Variants in MEF2C observed in about 807,000 individuals in gnomAD.
The protein encoded by MEF2C is myocyte enhancer factor 2C, also known as myocyte-specific enhancer factor 2C.
A neutral mutation model predicts 50.5 loss-of-function variants in MEF2C; 6 were observed. That is an observed-to-expected ratio of 0.12 (90% CI 0.07 to 0.23). The LOEUF (loss-of-function observed/expected upper bound fraction) is 0.23. MEF2C is among the 10% of genes least tolerant of loss of function. The pLI, the probability that MEF2C is intolerant of heterozygous loss-of-function variation, is 1.00. For missense variants in MEF2C, 276 were observed against 605.0 expected (o/e 0.46, Z 5.70); for synonymous variants, 183 against 228.0 (o/e 0.80, Z 1.78).
chr5:88,720,335 G>A lies in MEF2C; in HGVS notation c.*2269C>T, dbSNP rs1303156856. 1 of 83,116 alleles carries A rather than the reference G, an allele frequency of 1.2e-5. No individual in the cohort carries two copies. Among genetic ancestry groups the A allele is most frequent in the Non-Finnish European group, 2.9e-5 (1 of 33,944 alleles). 5.1% of individuals were successfully genotyped at this position (83,116 alleles called of 1,614,324 possible). On this transcript the variant is annotated 3_prime_UTR_variant, in exon 11 of 11. Transcript: ENST00000504921. ...TGGGATATATATGAAATGGTTGATA[G>A]ATTTTTTTTTTTTAATATATAAAAC... is the stretch of plus-strand genomic sequence containing the variant.
intron 10 of MEF2C, among the ~76,000 whole-genome samples, chr5:88,726,086 G>C (rs568712160): frequency 6.6e-6 from 1 of 152,216 alleles, no homozygotes; most frequent in African/African-American, 2.4e-5. Context: ...TAGCTTTGAA[G>C]ACTTAAAGCT....
intron 1 of MEF2C, among the ~76,000 whole-genome samples, chr5:88,862,221 T>C (rs1825739052): frequency 6.6e-6 from 1 of 152,210 alleles, no homozygotes; most frequent in Non-Finnish European, 1.5e-5. Context: ...TCCTACGAAA[T>C]AATAAAACAA....
At chr5:88,833,978 T>G (rs891545192) in intron 1 of MEF2C, among the ~76,000 whole-genome samples, 1 of 152,174 alleles carries the variant, frequency 6.6e-6, no homozygotes, top group African/African-American at 2.4e-5. Context: ...TAAATGGCCT[T>G]CAGGATGCAC....
chr5:88,841,506 CAAAA>C (rs34552373), intron 1 of MEF2C, among the ~76,000 whole-genome samples: 3 of 98,274 alleles, frequency 3.1e-5, no homozygotes, highest in Admixed American at 1.0e-4. Flanking sequence ...AACTTTGTCT[CAAAA>C]AAAAAAAAAA....
chr5:88,837,293 T>C (rs543260881), intron 1 of MEF2C, among the ~76,000 whole-genome samples: 3 of 152,096 alleles, frequency 2.0e-5, no homozygotes, highest in African/African-American at 7.2e-5. Flanking sequence ...GATAAAACAA[T>C]GGAAAACTTT....
chr5:88,880,662 A>G (rs193159167), intron 1 of MEF2C, among the ~76,000 whole-genome samples: 100 of 152,230 alleles, frequency 6.6e-4, no homozygotes, highest in Non-Finnish European at 1.1e-3. Flanking sequence ...AGTTAGGGCC[A>G]AGGAAAAAAT....
chr5:88,848,065 C>T (rs183183095), intron 1 of MEF2C, among the ~76,000 whole-genome samples: 64 of 152,158 alleles, frequency 4.2e-4, no homozygotes, highest in Admixed American at 1.6e-3. Flanking sequence ...TTACAACTAG[C>T]GATTGGGCAT....
intron 3 of MEF2C, among the ~76,000 whole-genome samples, chr5:88,798,240 T>G (rs1796827506): frequency 6.6e-6 from 1 of 152,156 alleles, no homozygotes; most frequent in South Asian, 2.1e-4. Flanking sequence ...GTTTTCCAAC[T>G]TGGTTCCATT....
At chr5:88,855,574 T>A (rs1823005356) in intron 1 of MEF2C, among the ~76,000 whole-genome samples, 2 of 152,310 alleles carry the variant, frequency 1.3e-5, no homozygotes, top group African/African-American at 4.8e-5. Context: ...GTTCCCATAA[T>A]CTCCACGTGT....
chr5:88,804,525 G>T (rs1799571146), intron 3 of MEF2C, 73 bp downstream of exon 3: 1 of 1,289,892 alleles, frequency 7.8e-7, no homozygotes. Context: ...ATGTGTGTAT[G>T]TGTGTGTGGC....
chr5:88,843,966 C>T lies in MEF2C; in HGVS notation c.-142-20036G>A, dbSNP rs141787774. On this transcript the variant is annotated intron_variant, in intron 1 of 10. Coordinates refer to ENST00000504921, the MANE Select transcript of MEF2C (RefSeq NM_002397.5). ...CTGGGACTACAGGTGCGCACCACCA[C>T]GCCTGGATAATTTTTTTGTATTTTT... 5.6e-4 allele frequency among the ~76,000 whole-genome samples: 85 copies of T among 152,162 alleles called. No homozygotes were observed. The East Asian group carries it at 8.1e-3, about 15-fold the overall frequency.
chr5:88,873,542 G>T (rs1158636597), intron 1 of MEF2C, among the ~76,000 whole-genome samples: 1 of 151,898 alleles, frequency 6.6e-6, no homozygotes, highest in Admixed American at 6.6e-5. Flanking sequence ...TAAAATGAGA[G>T]AAGCGGAGGG....
intron 1 of MEF2C, among the ~76,000 whole-genome samples, chr5:88,877,348 C>T (rs1009124297): frequency 4.6e-5 from 7 of 151,786 alleles, no homozygotes; most frequent in Non-Finnish European, 7.4e-5. Context: ...TGAATTATGG[C>T]GATGACAAAT....
intron 1 of MEF2C, among the ~76,000 whole-genome samples, chr5:88,836,044 C>T (rs1196694833): frequency 1.3e-5 from 2 of 151,944 alleles, no homozygotes; most frequent in Admixed American, 6.6e-5. Context: ...ATTCTCTATT[C>T]CAAACCATTT....
chr5:88,885,939 TATTTTAAATA>T (rs1355155998), upstream of MEF2C, among the ~76,000 whole-genome samples: 9 of 152,190 alleles, frequency 5.9e-5, no homozygotes, highest in Non-Finnish European at 1.5e-5. Flanking sequence ...TACCTTTTCA[TATTTTAAATA>T]ATTATTTAAT....
chr5:88,851,238 A>AC (rs1821236067), intron 1 of MEF2C, among the ~76,000 whole-genome samples: 2 of 150,800 alleles, frequency 1.3e-5, no homozygotes, highest in Non-Finnish European at 3.0e-5. Flanking sequence ...TCTCACAAAA[A>AC]AAAAAAAAAA....
At chr5:88,872,016 G>T (rs1374218124) in intron 1 of MEF2C, among the ~76,000 whole-genome samples, 3 of 151,824 alleles carry the variant, frequency 2.0e-5, no homozygotes, top group African/African-American at 7.3e-5. Context: ...AATATCTATA[G>T]AGTACCTATT....
intron 1 of MEF2C, among the ~76,000 whole-genome samples, chr5:88,868,889 A>G (rs1018880836): frequency 6.6e-6 from 1 of 152,162 alleles, no homozygotes; most frequent in African/African-American, 2.4e-5. Context: ...TCTTAAATCT[A>G]TGTGCTATGT....
rs1475781933 is a variant in MEF2C, at chr5:88,719,843, C to T, written c.*2761G>A. ...AGTAGTGGGAACAAGAGATGACTGG[C>T]ATCCATTTTCAAGTGATTCTGTTCT... On this transcript the variant is annotated 3_prime_UTR_variant, in exon 11 of 11. Transcript: ENST00000504921. The T allele has an allele frequency of 1.3e-5, 2 of 152,180 alleles. No individual in the cohort carries two copies. Among genetic ancestry groups the T allele is most frequent in the Non-Finnish European group, 2.9e-5 (2 of 68,012 alleles). The allele number at this position is 152,180 out of a possible 1,614,324, so 9.4% of individuals were successfully genotyped here.
Sources: allele counts gnomAD v4.1 joint callset (sites outside exome capture counted in the v4.1 genomes callset), GRCh38; gene constraint gnomAD v4.1.1; transcripts MANE v1.5; gene names NCBI Gene and HGNC (gene_info 2026-07-23, HGNC 2026-07-21).